The following OR6A2 variants were observed in gnomAD, a reference collection of about 807,000 sequenced individuals.
OR6A2 encodes the protein olfactory receptor family 6 subfamily A member 2.
Under a neutral mutation model 7.1 loss-of-function variants are expected in OR6A2, and 6 were observed. The ratio of observed to expected loss-of-function variants is 0.85; its 90% CI spans 0.46 to 1.68. The LOEUF (loss-of-function observed/expected upper bound fraction) is 1.68, where lower values mean the gene tolerates loss of function less well. Ranked by LOEUF, OR6A2 falls within the 40% of genes most tolerant of loss-of-function variation. The pLI is 0.01. For synonymous variants in OR6A2, 162 were observed against 152.1 expected, an observed-to-expected ratio of 1.06 and a Z score of -0.48; for missense variants, 431 against 398.0, an observed-to-expected ratio of 1.08 and a Z score of -0.71.
intron 1 of OR6A2, among the ~76,000 whole-genome samples, chr11:6,797,988 G>A (rs1372355805): frequency 6.6e-6 from 1 of 151,860 alleles, no homozygotes; most frequent in African/African-American, 2.4e-5. Context: ...CCCTTCACAG[G>A]TTCAGTGAGA....
At chr11:6,798,096 G>A (rs1021825046) in intron 1 of OR6A2, among the ~76,000 whole-genome samples, 5 of 152,154 alleles carry the variant, frequency 3.3e-5, no homozygotes, top group African/African-American at 1.2e-4. Context: ...TGTAAAGGAG[G>A]ACCTCTGTAG....
Position 6,794,992 on chromosome 11 carries a change from G to T in OR6A2, c.717C>A (p.Arg239=). The T allele has an allele frequency of 6.2e-7, 1 of 1,614,004 alleles. No individual in the cohort carries two copies. The highest frequency in any genetic ancestry group is 8.5e-7 in the Non-Finnish European group (1 of 1,180,022). ...AVMHIPSAAG[R]YKAFSTCASH... ...AGGCACAGGTGGAAAAGGCCTTATA[G>T]CGTCCAGCAGCCGAAGGAATGTGCA... is the stretch of plus-strand genomic sequence containing the variant. The change falls in exon 2 of 2, where the codon CGC becomes CGA. Residue 239 remains arginine (R), a synonymous_variant. Coordinates refer to ENST00000641196, the MANE Select transcript of OR6A2 (RefSeq NM_003696.3).
At position 6,794,507 on chromosome 11, in the gene OR6A2, A is replaced by G; in HGVS notation, c.*218T>C. On this transcript the variant is annotated 3_prime_UTR_variant, in exon 2 of 2. Coordinates refer to ENST00000641196, the MANE Select transcript of OR6A2 (RefSeq NM_003696.3). ...GACAGACAATAGTGGACCCAGCTCTATCCTGTATTTTATGGCCCTGTCCTG... is the reference window on the plus strand; with the variant it reads ...GACAGACAATAGTGGACCCAGCTCTGTCCTGTATTTTATGGCCCTGTCCTG... 6 of 584,246 alleles carry G rather than the reference A, an allele frequency of 1.0e-5. No individual in the cohort carries two copies. The highest frequency in any genetic ancestry group is 9.4e-5 in the South Asian group (4 of 42,388). 36.2% of individuals were successfully genotyped at this position (584,246 alleles called of 1,614,324 possible). A position where few individuals can be genotyped will look rare whatever the true frequency, so the allele number is the denominator to read the frequency against.
chr11:6,792,892 T>G lies in OR6A2; in HGVS notation c.*1833A>C, dbSNP rs908988148. ...GGACTCAAACTCATTCGTGGTTTAT[T>G]GAAAGGTGAGTATGTGAGGAATACT... is the stretch of plus-strand genomic sequence containing the variant. On this transcript the variant is annotated 3_prime_UTR_variant, in exon 2 of 2. Transcript: ENST00000641196. 6.6e-6 allele frequency: 1 copy of G among 152,310 alleles called. No homozygotes were observed. Among genetic ancestry groups the G allele is most frequent in the East Asian group, 1.9e-4 (1 of 5,192 alleles). The allele number at this position is 152,310 out of a possible 1,614,324, so 9.4% of individuals were successfully genotyped here. A position where few individuals can be genotyped will look rare whatever the true frequency, so the allele number is the denominator to read the frequency against.
At position 6,794,800 on chromosome 11, in the gene OR6A2, C is replaced by T. The variant is rs1169165271; in HGVS notation, c.909G>A (p.Lys303=). The stretch of plus-strand genomic sequence containing the variant: ...GGTGCAGAGTACAGCATAGGGCTCT[C>T]TTGACCTCTTGATTGCGCAGGCAGT... ...IIYCLRNQEV[K]RALCCTLHLY... Residue 303 remains lysine (K), a synonymous_variant, in exon 2 of 2, where the codon AAG becomes AAA. Coordinates refer to ENST00000641196, the MANE Select transcript of OR6A2 (RefSeq NM_003696.3). The T allele has an allele frequency of 2.0e-5, 33 of 1,614,020 alleles. No individual in the cohort carries two copies. Among genetic ancestry groups the T allele is most frequent in the Non-Finnish European group, 2.7e-5 (32 of 1,179,996 alleles).
At chr11:6,796,395 A>T (rs934531517) in intron 1 of OR6A2, among the ~76,000 whole-genome samples, 12 of 152,186 alleles carry the variant, frequency 7.9e-5, no homozygotes, top group Non-Finnish European at 1.6e-4. Flanking sequence ...TAAAGGAGGG[A>T]CTGTACAATA....
At position 6,795,196 on chromosome 11, in the gene OR6A2, G is replaced by A; in HGVS notation, c.513C>T (p.Leu171=). 6.2e-7 allele frequency: 1 copy of A among 1,614,128 alleles called. No individual in the cohort carries two copies. The highest frequency in any genetic ancestry group is 8.5e-7 in the Non-Finnish European group (1 of 1,180,008). ...SMVKVFLISG[L]SYCGPNIINH... ...TGATGATGTTGGGGCCACAGTAAGA[G>A]AGGCCAGAAATAAGAAAAACTTTGA... Residue 171 remains leucine, a synonymous_variant, in exon 2 of 2, where the codon CTC becomes CTT. Transcript: ENST00000641196.
rs949679633 is a variant in OR6A2 at position 6,792,020 on chromosome 11, C to A, written c.*2705G>T. ...TGTTCCAGGGTCCAATCCAATATAC[C>A]GTACTCCATATAGGTATCTTGTCTC... On this transcript the variant is annotated 3_prime_UTR_variant, in exon 2 of 2. Transcript: ENST00000641196. 1 of 152,230 alleles carries A rather than the reference C, an allele frequency of 6.6e-6. No individual in the cohort carries two copies. Among genetic ancestry groups the A allele is most frequent in the South Asian group, 2.1e-4 (1 of 4,820 alleles). 9.4% of individuals were successfully genotyped at this position (152,230 alleles called of 1,614,324 possible). A position where few individuals can be genotyped will look rare whatever the true frequency, so the allele number is the denominator to read the frequency against.
Position 6,794,686 on chromosome 11 carries a change from C to T in OR6A2, c.*39G>A. 1 of 1,590,846 alleles carries T rather than the reference C, an allele frequency of 6.3e-7. No individual in the cohort carries two copies. The highest frequency in any genetic ancestry group is 1.7e-5 in the Admixed American group (1 of 58,632). On this transcript the variant is annotated 3_prime_UTR_variant, in exon 2 of 2. Coordinates refer to ENST00000641196, the MANE Select transcript of OR6A2 (RefSeq NM_003696.3). ...TGGACTTCATAGAACACATTGATCC[C>T]AAGTTTAATAGCATTTTATCAGATT...
chr11:6,798,031 G>T (rs1381996940), intron 1 of OR6A2, among the ~76,000 whole-genome samples: 1 of 152,016 alleles, frequency 6.6e-6, no homozygotes, highest in Admixed American at 6.6e-5. Context: ...TAGAGTCCAT[G>T]AAAGTCTATA....
rs1374119495 is a variant in OR6A2, at chr11:6,793,679, A to T, written c.*1046T>A. On this transcript the variant is annotated 3_prime_UTR_variant, in exon 2 of 2. Coordinates refer to ENST00000641196, the MANE Select transcript of OR6A2 (RefSeq NM_003696.3). Reference sequence around the variant, plus strand: ...GCTGATATTTTTGATACTGTTATATAACATAATATTTTTATTAAGTTAGAA... The same window carrying T: ...GCTGATATTTTTGATACTGTTATATTACATAATATTTTTATTAAGTTAGAA... The T allele has an allele frequency of 1.3e-5, 2 of 152,166 alleles. No homozygotes were observed. Among genetic ancestry groups the T allele is most frequent in the Non-Finnish European group, 2.9e-5 (2 of 68,032 alleles). 9.4% of individuals were successfully genotyped at this position (152,166 alleles called of 1,614,324 possible).
In OR6A2 at chr11:6,795,009, G is replaced by A. The variant is rs2741745; in HGVS notation, c.700C>T (p.Pro234Ser). 5.6e-6 allele frequency: 9 copies of A among 1,614,030 alleles called. No individual in the cohort carries two copies. The highest frequency in any genetic ancestry group is 7.6e-6 in the Non-Finnish European group (9 of 1,180,024). Residue 234 changes from proline to serine, a missense_variant, in exon 2 of 2, where the codon CCT becomes TCT. Pro to Ser is a moderately conservative substitution (Grantham distance 74). Transcript: ENST00000641196. The stretch of plus-strand genomic sequence containing the variant: ...GCCTTATAGCGTCCAGCAGCCGAAG[G>A]AATGTGCATCACAGCACCAGTAATG... Reference protein sequence around the residue: ...VAITGAVMHIPSAAGRYKAFS... With the variant: ...VAITGAVMHISSAAGRYKAFS...
At chr11:6,796,648 T>C (rs1847751466) in intron 1 of OR6A2, among the ~76,000 whole-genome samples, 1 of 152,222 alleles carries the variant, frequency 6.6e-6, no homozygotes, top group Admixed American at 6.5e-5. Flanking sequence ...TTGTACTAAG[T>C]ATCTTGAAAT....
intron 1 of OR6A2, among the ~76,000 whole-genome samples, chr11:6,798,302 C>T (rs1847767475): frequency 6.6e-6 from 1 of 152,134 alleles, no homozygotes; most frequent in Admixed American, 6.6e-5. Flanking sequence ...ATATTCTGTA[C>T]CCATCCACCC....
In OR6A2 at chr11:6,795,876, G is replaced by A; in HGVS notation, c.-168C>T. 1 of 603,290 alleles carries A rather than the reference G, an allele frequency of 1.7e-6. No individual in the cohort carries two copies. The allele number at this position is 603,290 out of a possible 1,614,324, so 37.4% of individuals were successfully genotyped here. ...AGGCCACTGCTCTCTTCTTTAATCT[G>A]GAAATGAGCTAAGGCAAACATACAA... On this transcript the variant is annotated 5_prime_UTR_variant, in exon 2 of 2. Transcript: ENST00000641196.
chr11:6,795,852 G>A lies in OR6A2; in HGVS notation c.-144C>T. The A allele has an allele frequency of 1.5e-6, 1 of 665,598 alleles. No homozygotes were observed. Among genetic ancestry groups the A allele is most frequent in the African/African-American group, 1.8e-5 (1 of 55,090 alleles). The allele number at this position is 665,598 out of a possible 1,614,324, so 41.2% of individuals were successfully genotyped here. A position where few individuals can be genotyped will look rare whatever the true frequency, so the allele number is the denominator to read the frequency against. On this transcript the variant is annotated 5_prime_UTR_variant, in exon 2 of 2. Coordinates refer to ENST00000641196, the MANE Select transcript of OR6A2 (RefSeq NM_003696.3). ...TTCATGTAATTAATCACTGAGCTGA[G>A]GCCACTGCTCTCTTCTTTAATCTGG...
intron 1 of OR6A2, among the ~76,000 whole-genome samples, 189 bp downstream of exon 1, chr11:6,799,355 G>A (rs989361672): frequency 4.6e-5 from 7 of 152,040 alleles, no homozygotes; most frequent in Admixed American, 3.9e-4. Context: ...AGCTATGAGA[G>A]GAAAAGATAA....
At chr11:6,798,753 T>G (rs1365959072) in intron 1 of OR6A2, among the ~76,000 whole-genome samples, 2 of 152,240 alleles carry the variant, frequency 1.3e-5, no homozygotes, top group East Asian at 3.8e-4. Context: ...ACACCCACTC[T>G]CTTCCTAGGA....
intron 1 of OR6A2, among the ~76,000 whole-genome samples, chr11:6,798,673 C>A (rs1184770697): frequency 6.6e-6 from 1 of 152,162 alleles, no homozygotes. Context: ...TCATTGCCCA[C>A]TATTTAACTT....
Sources: gnomAD v4.1 joint callset for allele counts (sites outside exome capture counted in the v4.1 genomes callset) on GRCh38, gnomAD v4.1.1 for gene constraint, MANE v1.5 for transcripts, NCBI Gene and HGNC (gene_info 2026-07-23, HGNC 2026-07-21) for gene names.